SLC22A11: variants seen among roughly 807,000 people sequenced by gnomAD.
SLC22A11 encodes the protein solute carrier family 22 member 11.
SLC22A11 carries 42 observed loss-of-function variants against 49.4 expected under a neutral mutation model. The observed-to-expected ratio is 0.85, with a 90% CI of 0.66 to 1.10. SLC22A11 has a LOEUF of 1.10. Ranked by LOEUF, SLC22A11 falls within the 50% of genes least tolerant of loss-of-function variation. The pLI is 0.00. For missense variants in SLC22A11, 685 were observed against 731.6 expected, an observed-to-expected ratio of 0.94 and a Z score of 0.74; for synonymous variants, 304 against 315.8, an observed-to-expected ratio of 0.96 and a Z score of 0.40.
At chr11:64,558,492 C>T (rs1420659988) in intron 1 of SLC22A11, among the ~76,000 whole-genome samples, 1 of 152,176 alleles carries the variant, frequency 6.6e-6, no homozygotes, top group Non-Finnish European at 1.5e-5. Context: ...CAATGGATGA[C>T]TGGTCCTGGG....
chr11:64,569,843 A>G lies in SLC22A11; in HGVS notation c.1574A>G (p.Gln525Arg). The G allele has an allele frequency of 6.2e-7, 1 of 1,613,314 alleles. No homozygotes were observed. Among genetic ancestry groups the G allele is most frequent in the Non-Finnish European group, 8.5e-7 (1 of 1,180,008 alleles). Reference protein sequence around the residue: ...TQGLPLPDTIQDLESQKSTAA... With the variant: ...TQGLPLPDTIRDLESQKSTAA... Reference sequence around the variant, plus strand: ...GGACTTCCGCTCCCTGACACTATCCAGGACCTGGAGAGCCAGTGAGTGACC... The same window carrying G: ...GGACTTCCGCTCCCTGACACTATCCGGGACCTGGAGAGCCAGTGAGTGACC... The change falls in exon 9 of 10, where the codon CAG (glutamine) becomes CGG (arginine). Residue 525 changes from glutamine (Q) to arginine (R), a missense_variant. Physicochemically the swap from Gln to Arg is conservative, Grantham distance 43. Transcript: ENST00000301891.
chr11:64,559,254 C>A lies in SLC22A11; in HGVS notation c.497+16C>A, dbSNP rs750809491. ...TCTCCTACCGGTGAGTGCCTCCGCTCCTCCCAGCCCCCAGCTCCCTCAAAA... is the reference window on the plus strand; with the variant it reads ...TCTCCTACCGGTGAGTGCCTCCGCTACTCCCAGCCCCCAGCTCCCTCAAAA... On this transcript the variant is annotated intron_variant, in intron 2 of 9. Coordinates refer to ENST00000301891, the MANE Select transcript of SLC22A11 (RefSeq NM_018484.4). 3.3e-6 allele frequency: 5 copies of A among 1,527,128 alleles called. No homozygotes were observed. Among genetic ancestry groups the A allele is most frequent in the Non-Finnish European group, 4.4e-6 (5 of 1,130,922 alleles). 94.6% of individuals were successfully genotyped at this position (1,527,128 alleles called of 1,614,324 possible).
chr11:64,564,351 C>A lies in SLC22A11; in HGVS notation c.865C>A (p.Pro289Thr). Residue 289 changes from proline to threonine, a missense_variant, in exon 5 of 10, where the codon CCA becomes ACA. Transcript: ENST00000301891. The surrounding 1 kb of genome is among the most constrained non-coding windows in gnomAD (Gnocchi z 4.2). ...CCGGTGGCTGATTATTAAGGGCAAA[C>A]CAGACCAAGCACTTCAGGAGCTCAG... ...SARWLIIKGK[P>T]DQALQELRKV... 6.2e-7 allele frequency: 1 copy of A among 1,614,126 alleles called. No homozygotes were observed. Among genetic ancestry groups the A allele is most frequent in the Non-Finnish European group, 8.5e-7 (1 of 1,180,030 alleles).
At chr11:64,558,670 G>A (rs2038498006) in intron 1 of SLC22A11, among the ~76,000 whole-genome samples, 1 of 152,260 alleles carries the variant, frequency 6.6e-6, no homozygotes, top group East Asian at 1.9e-4. Flanking sequence ...CTCAGTAGAG[G>A]TGGAAGCCAA....
At chr11:64,568,645 A>T in intron 7 of SLC22A11, 25 bp from the exon 8 acceptor site, 1 of 1,601,742 alleles carries the variant, frequency 6.2e-7, no homozygotes, top group Non-Finnish European at 8.5e-7. Flanking sequence ...GGCAAACCCC[A>T]CTCTCACCCC....
intron 6 of SLC22A11, 24 bp from the exon 7 acceptor site, chr11:64,567,575 C>T (rs1223742250): frequency 1.9e-6 from 3 of 1,610,232 alleles, no homozygotes; most frequent in Middle Eastern, 1.7e-4. Context: ...AGGGCAGGGA[C>T]CTGACTTCCA....
chr11:64,561,221 C>T (rs927734320), intron 2 of SLC22A11, among the ~76,000 whole-genome samples: 5 of 152,232 alleles, frequency 3.3e-5, no homozygotes, highest in African/African-American at 1.2e-4. Flanking sequence ...CCCTTCACAG[C>T]GCACAGGTGA....
rs891707236 is a variant in SLC22A11, at chr11:64,564,744, C to G, written c.942+316C>G. On this transcript the variant is annotated intron_variant, in intron 5 of 9. Transcript: ENST00000301891. The surrounding 1 kb of genome is among the most constrained non-coding windows in gnomAD (Gnocchi z 4.2). ...CAGCCACCATCTCTGCAAAACATCT[C>G]CACCACCTTCACCACCATCGTCACC... Among the ~76,000 whole-genome samples the G allele has an allele frequency of 6.6e-6, 1 of 152,118 alleles. No individual in the cohort carries two copies. Among genetic ancestry groups the G allele is most frequent in the African/African-American group, 2.4e-5 (1 of 41,426 alleles).
chr11:64,564,230 G>A lies in SLC22A11; in HGVS notation c.822-78G>A, dbSNP rs555513252. The A allele has an allele frequency of 2.8e-5, 44 of 1,575,954 alleles. No homozygotes were observed. The highest frequency in any genetic ancestry group is 2.4e-4 in the Admixed American group (14 of 58,016). On this transcript the variant is annotated intron_variant, in intron 4 of 9. Coordinates refer to ENST00000301891, the MANE Select transcript of SLC22A11 (RefSeq NM_018484.4). The surrounding 1 kb of genome is among the most constrained non-coding windows in gnomAD (Gnocchi z 4.2). ...ATCACTCATCTCAGCTGGAGGGTCC[G>A]TGCCCACTGCCCCTTTCCACCCCGC...
intron 8 of SLC22A11, 123 bp downstream of exon 8, chr11:64,568,901 G>A: frequency 1.3e-6 from 1 of 782,848 alleles, no homozygotes; most frequent in Non-Finnish European, 2.2e-6. Context: ...TCCCCCCCAG[G>A]ACAGCTCTTC....
chr11:64,565,812 GA>G lies in SLC22A11; in HGVS notation c.1058+477del. 3.0e-6 allele frequency: 1 copy of G among 332,614 alleles called. No homozygotes were observed. Among genetic ancestry groups the G allele is most frequent in the Non-Finnish European group, 6.0e-6 (1 of 166,300 alleles). The allele number at this position is 332,614 out of a possible 1,614,324, so 20.6% of individuals were successfully genotyped here. On this transcript the variant is annotated intron_variant, in intron 6 of 9. Coordinates refer to ENST00000301891, the MANE Select transcript of SLC22A11 (RefSeq NM_018484.4). The surrounding 1 kb of genome is among the most constrained non-coding windows in gnomAD (Gnocchi z 4.1). Reference sequence around the variant, plus strand: ...GGAAAGAGGATCCCAGAGGGGTAAGGAACAAGCCCAAAATAATAGAGCCTGC... The same window carrying G: ...GGAAAGAGGATCCCAGAGGGGTAAGGACAAGCCCAAAATAATAGAGCCTGC...
Position 64,564,635 on chromosome 11 carries a change from GCAC to G in SLC22A11, c.942+214_942+216del. Among the ~76,000 whole-genome samples, 1 of 150,938 alleles carries G rather than the reference GCAC, an allele frequency of 6.6e-6. No individual in the cohort carries two copies. The highest frequency in any genetic ancestry group is 3.4e-3 in the Middle Eastern group (1 of 292). ...ACCAATCCCGATACCATCACCAACAGCACCACCACTGTCCACACCCACCATCAC... is the reference window on the plus strand; with the variant it reads ...ACCAATCCCGATACCATCACCAACAGCACCACTGTCCACACCCACCATCAC... On this transcript the variant is annotated intron_variant, in intron 5 of 9. Transcript: ENST00000301891. The surrounding 1 kb of genome is among the most constrained non-coding windows in gnomAD (Gnocchi z 4.2).
Position 64,567,594 on chromosome 11 carries a change from C to A in SLC22A11, c.1059-5C>A. 6.2e-7 allele frequency: 1 copy of A among 1,613,332 alleles called. No individual in the cohort carries two copies. Reference sequence around the variant, plus strand: ...CAGGGACCTGACTTCCAGCCTTGCCCGCAGTTTCTCTCTATTGATCTCCTA... The same window carrying A: ...CAGGGACCTGACTTCCAGCCTTGCCAGCAGTTTCTCTCTATTGATCTCCTA... On this transcript the variant is annotated splice_polypyrimidine_tract_variant and splice_region_variant and intron_variant, in intron 6 of 9. Transcript: ENST00000301891.
At chr11:64,570,906 C>T (rs748354221) in intron 9 of SLC22A11, 73 bp from the exon 10 acceptor site, 6 of 1,483,152 alleles carry the variant, frequency 4.0e-6, no homozygotes, top group Admixed American at 3.4e-5. Context: ...AAGACTTGAC[C>T]GCCATTTTGC....
In SLC22A11 at chr11:64,562,008, G is replaced by T. The variant is rs2038551132; in HGVS notation, c.502G>T (p.Gly168Trp). 1.2e-6 allele frequency: 2 copies of T among 1,612,450 alleles called. No individual in the cohort carries two copies. The highest frequency in any genetic ancestry group is 1.7e-6 in the Non-Finnish European group (2 of 1,179,450). ...FIWGLLSYRF[G>W]RKPMLSWCCL... is the part of the protein sequence containing the mutation. ...TGTGCTTCTCTCCTGTGACAGGTTTGGGAGGAAGCCGATGCTGAGCTGGTG... is the reference window on the plus strand; with the variant it reads ...TGTGCTTCTCTCCTGTGACAGGTTTTGGAGGAAGCCGATGCTGAGCTGGTG... Residue 168 changes from glycine (G) to tryptophan (W), a missense_variant, in exon 3 of 10, where the codon GGG becomes TGG. Transcript: ENST00000301891. The surrounding 1 kb of genome is among the most constrained non-coding windows in gnomAD (Gnocchi z 4.4).
chr11:64,569,684 GC>G lies in SLC22A11; in HGVS notation c.1417del (p.Arg473GlyfsTer5). ...MTADGILHTV[G>X]RLGAMMGPLI... ...GCAGATGGCATTCTGCATACAGTGGGCCGGCTGGGGGCTATGATGGGTCCCC... is the reference window on the plus strand; with the variant it reads ...GCAGATGGCATTCTGCATACAGTGGGCGGCTGGGGGCTATGATGGGTCCCC... On this transcript the variant is annotated frameshift_variant, in exon 9 of 10. Transcript: ENST00000301891. LOFTEE classifies it high-confidence loss of function. 6.2e-7 allele frequency: 1 copy of G among 1,614,098 alleles called. No homozygotes were observed. The highest frequency in any genetic ancestry group is 8.5e-7 in the Non-Finnish European group (1 of 1,180,022).
chr11:64,568,047 G>A (rs911949139), intron 7 of SLC22A11, among the ~76,000 whole-genome samples: 10 of 152,384 alleles, frequency 6.6e-5, no homozygotes, highest in Admixed American at 1.3e-4. Flanking sequence ...GGCAGAGCCG[G>A]GAGGAAGGCA....
At position 64,567,678 on chromosome 11, in the gene SLC22A11, C is replaced by G; in HGVS notation, c.1138C>G (p.Leu380Val). The change falls in exon 7 of 10, where the codon CTC becomes GTC. Residue 380 changes from leucine (L) to valine (V), a missense_variant. Leu to Val is a conservative substitution (Grantham distance 32, BLOSUM62 1). Coordinates refer to ENST00000301891, the MANE Select transcript of SLC22A11 (RefSeq NM_018484.4). ...CCGTGACATCTTCCTCCTCCAGGCC[C>G]TCTTCGGGGCCGTGGACTTCCTGGG... Reference protein sequence around the residue: ...LGRDIFLLQALFGAVDFLGRA... With the variant: ...LGRDIFLLQAVFGAVDFLGRA... 6.2e-7 allele frequency: 1 copy of G among 1,614,098 alleles called. No homozygotes were observed. The highest frequency in any genetic ancestry group is 8.5e-7 in the Non-Finnish European group (1 of 1,180,034).
chr11:64,567,843 G>A (rs769047306), intron 7 of SLC22A11, 30 bp downstream of exon 7: 9 of 1,544,512 alleles, frequency 5.8e-6, no homozygotes, highest in African/African-American at 1.4e-5. Flanking sequence ...CGGTGGGACC[G>A]GGCCCTGCTT....
Sources: gnomAD v4.1 joint callset for allele counts (sites outside exome capture counted in the v4.1 genomes callset) on GRCh38, gnomAD v4.1.1 for gene constraint, Gnocchi (gnomAD v3.1) non-coding constraint, MANE v1.5 for transcripts, NCBI Gene and HGNC (gene_info 2026-07-23, HGNC 2026-07-21) for gene names.